The following FKBP11 variants were observed in gnomAD, a reference collection of about 807,000 sequenced individuals.
The protein encoded by FKBP11 is FKBP prolyl isomerase 11, also known as peptidyl-prolyl cis-trans isomerase FKBP11.
FKBP11 carries 21 observed loss-of-function variants against 24.7 expected under a neutral mutation model. That is an observed-to-expected ratio of 0.85 (90% confidence interval 0.60 to 1.23). The LOEUF is 1.23. Ranked by LOEUF, FKBP11 falls within the 50% of genes most tolerant of loss-of-function variation. FKBP11 has a pLI of 0.00. For missense variants in FKBP11, 245 were observed against 248.7 expected, an observed-to-expected ratio of 0.99 and a Z score of 0.10; for synonymous variants, 106 against 100.6, an observed-to-expected ratio of 1.05 and a Z score of -0.32.
the FKBP11 span, among the ~76,000 whole-genome samples, chr12:48,934,025 C>A: frequency 6.6e-6 from 1 of 152,152 alleles, no homozygotes; most frequent in South Asian, 2.1e-4. Context: ...AAATGGATCC[C>A]CAGCCCCCTC....
intron 4 of FKBP11, 90 bp from the exon 5 acceptor site, chr12:48,923,942 G>A (rs532118696): frequency 1.5e-6 from 2 of 1,311,296 alleles, no homozygotes; most frequent in Admixed American, 1.7e-5. Flanking sequence ...AAAACCCCCT[G>A]AATCTTCACA....
chr12:48,924,974 A>G, intron 2 of FKBP11, 72 bp downstream of exon 2: 3 of 1,542,282 alleles, frequency 1.9e-6, no homozygotes, highest in East Asian at 2.3e-5. Context: ...CACGTGTCCA[A>G]GCCAAAGCTG....
chr12:48,924,054 A>G (rs1376755000), intron 4 of FKBP11, 169 bp downstream of exon 4: 1 of 887,864 alleles, frequency 1.1e-6, no homozygotes, highest in Non-Finnish European at 1.9e-6. Context: ...CAACAGCGCA[A>G]GAGGCACAGA....
intron 1 of FKBP11, 49 bp from the exon 2 acceptor site, chr12:48,925,160 C>A: frequency 6.2e-7 from 1 of 1,604,876 alleles, no homozygotes; most frequent in Non-Finnish European, 8.5e-7. Flanking sequence ...AGATCCCGTT[C>A]TCGCCCCTAG....
chr12:48,929,608 A>AG (rs1332394240), upstream of FKBP11, among the ~76,000 whole-genome samples: 1 of 152,222 alleles, frequency 6.6e-6, no homozygotes, highest in Non-Finnish European at 1.5e-5. Context: ...GACAACTGAA[A>AG]GCTTGTCATC....
chr12:48,930,023 C>T (rs1940027987), upstream of FKBP11, among the ~76,000 whole-genome samples: 1 of 152,306 alleles, frequency 6.6e-6, no homozygotes, highest in South Asian at 2.1e-4. Flanking sequence ...CCTATCTCCC[C>T]CAAAGAGCCA....
At chr12:48,931,299 T>C, upstream of FKBP11, 1 of 813,026 alleles carries the variant, frequency 1.2e-6, no homozygotes, top group East Asian at 2.7e-5. Flanking sequence ...GGCTATTGTC[T>C]TATCCAGGTC....
chr12:48,931,126 C>G (rs1372833048), upstream of FKBP11, among the ~76,000 whole-genome samples: 1 of 36,670 alleles, frequency 2.7e-5, no homozygotes. Flanking sequence ...GAGACTCCAG[C>G]TTAAAAAAAA....
chr12:48,928,840 T>TTTG (rs1940014210), upstream of FKBP11, among the ~76,000 whole-genome samples: 1 of 145,192 alleles, frequency 6.9e-6, no homozygotes, highest in African/African-American at 2.6e-5. Flanking sequence ...TTTTTTTTTT[T>TTTG]GAGACAGAGT....
chr12:48,922,227 G>T (rs1266007122), intron 5 of FKBP11, 26 bp from the exon 6 acceptor site: 1 of 1,581,928 alleles, frequency 6.3e-7, no homozygotes, highest in South Asian at 1.1e-5. Context: ...GGTGGAGAGG[G>T]TTAGACTCTC....
Position 48,924,574 on chromosome 12 carries a change from C to T in FKBP11, c.270G>A (p.Lys90=), listed in dbSNP as rs1177047916. ...RDPLVIELGQ[K]QVIPGLEQSL... is the part of the protein sequence containing the mutation. Reference sequence around the variant, plus strand: ...CAGGTCACATACCTGGAATCACCTGCTTTTGGCCAAGTTCTATAACCAGAG... The same window carrying T: ...CAGGTCACATACCTGGAATCACCTGTTTTTGGCCAAGTTCTATAACCAGAG... Residue 90 remains lysine, a synonymous_variant, in exon 3 of 6, where the codon AAG becomes AAA. Coordinates refer to ENST00000550765, the MANE Select transcript of FKBP11 (RefSeq NM_016594.3). The T allele has an allele frequency of 1.9e-6, 3 of 1,614,026 alleles. No homozygotes were observed. The highest frequency in any genetic ancestry group is 1.7e-6 in the Non-Finnish European group (2 of 1,179,934).
chr12:48,938,870 G>A, the FKBP11 span: 4 of 1,546,462 alleles, frequency 2.6e-6, no homozygotes, highest in African/African-American at 5.4e-5. Context: ...GCATGGAGAG[G>A]AAGGGGTAGG....
intron 5 of FKBP11, 136 bp from the exon 6 acceptor site, chr12:48,922,337 A>T: frequency 1.2e-6 from 1 of 849,148 alleles, no homozygotes; most frequent in Non-Finnish European, 1.8e-6. Context: ...TGTGGGCTTG[A>T]ATTCCTTTAG....
At chr12:48,938,785 A>G in the FKBP11 span, 1 of 831,700 alleles carries the variant, frequency 1.2e-6, no homozygotes, top group Non-Finnish European at 1.9e-6. Flanking sequence ...GTGGACAGGA[A>G]AAAGGAGGGG....
chr12:48,934,094 A>G, the FKBP11 span, among the ~76,000 whole-genome samples: 1 of 152,162 alleles, frequency 6.6e-6, no homozygotes, highest in African/African-American at 2.4e-5. Flanking sequence ...GAATGTACTA[A>G]ATACATACTT....
chr12:48,928,604 A>G (rs1351968985), upstream of FKBP11, among the ~76,000 whole-genome samples: 1 of 151,064 alleles, frequency 6.6e-6, no homozygotes, highest in African/African-American at 2.4e-5. Context: ...TTCAGCCTCC[A>G]GAGTAGCTGG....
chr12:48,938,479 C>G, the FKBP11 span: 1 of 450,530 alleles, frequency 2.2e-6, no homozygotes, highest in Non-Finnish European at 4.5e-6. Flanking sequence ...TATATACAGG[C>G]GCACACATGC....
intron 2 of FKBP11, 154 bp from the exon 3 acceptor site, chr12:48,924,802 G>C (rs933085118): frequency 1.0e-5 from 15 of 1,457,170 alleles, no homozygotes; most frequent in South Asian, 1.4e-5. Context: ...GCCCCAGAAG[G>C]CTGGCGCTTC....
At chr12:48,932,595 G>C in the FKBP11 span, among the ~76,000 whole-genome samples, 189 of 152,194 alleles carry the variant, frequency 1.2e-3, 2 homozygotes, top group East Asian at 0.033. Flanking sequence ...GACAAGAACA[G>C]ATTCCCCATC....
Sources: gnomAD v4.1 joint callset for allele counts (sites outside exome capture counted in the v4.1 genomes callset) on GRCh38, gnomAD v4.1.1 for gene constraint, MANE v1.5 for transcripts, NCBI Gene and HGNC (gene_info 2026-07-23, HGNC 2026-07-21) for gene names.